LAMB4: variants seen among roughly 807,000 people sequenced by gnomAD.
The protein encoded by LAMB4 is laminin subunit beta-4.
Under a neutral mutation model 199.2 loss-of-function variants are expected in LAMB4, and 196 were observed. The observed-to-expected ratio is 0.98, with a 90% CI of 0.88 to 1.11. The LOEUF (loss-of-function observed/expected upper bound fraction) is 1.11, where lower values mean the gene tolerates loss of function less well. Ranked by LOEUF, LAMB4 falls within the 50% of genes least tolerant of loss-of-function variation. The probability of loss-of-function intolerance (pLI) is 0.00; values close to 1 mark genes in which losing one functional copy is unlikely to be tolerated. For synonymous variants in LAMB4, 744 were observed against 770.6 expected (o/e 0.97, Z 0.57); for missense variants, 2,080 against 2,171.2 (o/e 0.96, Z 0.83).
intron 1 of LAMB4, among the ~76,000 whole-genome samples, chr7:108,127,331 C>T (rs1399798228): frequency 6.6e-6 from 1 of 152,050 alleles, no homozygotes; most frequent in Non-Finnish European, 1.5e-5. Flanking sequence ...AGACCCACTG[C>T]ATAACCATGG....
At position 108,123,215 on chromosome 7, in the gene LAMB4, TA is replaced by T; in HGVS notation, c.-33-19del. Reference sequence around the variant, plus strand: ...CAATTCTACTGGGTTAAAAAAAGGTTAAAGTCAATCACTGATAGAAGAAATA... The same window carrying T: ...CAATTCTACTGGGTTAAAAAAAGGTTAAGTCAATCACTGATAGAAGAAATA... On this transcript the variant is annotated intron_variant, in intron 1 of 33. Coordinates refer to ENST00000388781, the MANE Select transcript of LAMB4 (RefSeq NM_007356.3). 1 of 1,472,544 alleles carries T rather than the reference TA, an allele frequency of 6.8e-7. No individual in the cohort carries two copies. 91.2% of individuals were successfully genotyped at this position (1,472,544 alleles called of 1,614,324 possible).
intron 26 of LAMB4, among the ~76,000 whole-genome samples, chr7:108,051,603 C>G (rs1414046013): frequency 6.6e-6 from 1 of 152,162 alleles, no homozygotes; most frequent in Admixed American, 6.5e-5. Flanking sequence ...GTTTTAAGAA[C>G]TATGCAATAT....
chr7:108,022,516 A>C (rs972626351), downstream of LAMB4, among the ~76,000 whole-genome samples: 2 of 152,236 alleles, frequency 1.3e-5, no homozygotes, highest in African/African-American at 2.4e-5. Context: ...CAACTGATAC[A>C]GCAAGTAATA....
At chr7:108,112,036 G>T in intron 3 of LAMB4, 90 bp from the exon 4 acceptor site, 3 of 1,009,030 alleles carry the variant, frequency 3.0e-6, no homozygotes, top group South Asian at 4.0e-5. Context: ...TACTATATTT[G>T]TCTTCCAAAC....
At chr7:108,099,484 T>C (rs2037743386) in intron 10 of LAMB4, among the ~76,000 whole-genome samples, 1 of 152,180 alleles carries the variant, frequency 6.6e-6, no homozygotes, top group Admixed American at 6.5e-5. Context: ...TGCCCAATAC[T>C]GCAGCGAACC....
At chr7:108,104,356 A>C in intron 9 of LAMB4, 143 bp downstream of exon 9, 1 of 833,678 alleles carries the variant, frequency 1.2e-6, no homozygotes, top group Admixed American at 3.0e-5. Flanking sequence ...ATAATTGGGA[A>C]CACTGGGATA....
rs1015057915 is a variant in LAMB4, at chr7:108,110,981, A to G, written c.328+830T>C. On this transcript the variant is annotated intron_variant, in intron 4 of 33. Transcript: ENST00000388781. ...TAATGGTCTAAAATCTCTAAAGGAA[A>G]TACATTCAGGAGTTTGTAGAGAATA... Among the ~76,000 whole-genome samples, 8 of 152,328 alleles carry G rather than the reference A, an allele frequency of 5.3e-5. No individual in the cohort carries two copies. The East Asian group carries it at 1.5e-3, about 29-fold the overall frequency.
intron 17 of LAMB4, among the ~76,000 whole-genome samples, chr7:108,072,216 A>G (rs1427238051): frequency 6.6e-6 from 1 of 152,162 alleles, no homozygotes; most frequent in Non-Finnish European, 1.5e-5. Flanking sequence ...GCCTAACTCT[A>G]TGTTTTTGAA....
At chr7:108,031,085 G>A (rs2035013350) in intron 31 of LAMB4, 106 bp from the exon 32 acceptor site, 2 of 741,786 alleles carry the variant, frequency 2.7e-6, no homozygotes, top group Non-Finnish European at 4.2e-6. Flanking sequence ...TAAAGGAAAA[G>A]AAAATAGTGC....
intron 30 of LAMB4, among the ~76,000 whole-genome samples, chr7:108,034,840 G>C (rs967730129): frequency 1.3e-5 from 2 of 152,092 alleles, no homozygotes; most frequent in African/African-American, 4.8e-5. Context: ...GAAGCCCAAG[G>C]TTAAAATCAC....
chr7:108,057,802 G>C, intron 24 of LAMB4, 30 bp downstream of exon 24: 1 of 1,401,500 alleles, frequency 7.1e-7, no homozygotes, highest in Non-Finnish European at 1.0e-6. Context: ...CTGACTGTAC[G>C]CATGAGTTTT....
intron 28 of LAMB4, among the ~76,000 whole-genome samples, chr7:108,044,626 G>A (rs911040038): frequency 6.6e-6 from 1 of 152,188 alleles, no homozygotes; most frequent in Admixed American, 6.5e-5. Flanking sequence ...TGTGACAGAA[G>A]TAGGGCTAGT....
chr7:108,070,171 T>C (rs1207975314), intron 17 of LAMB4, among the ~76,000 whole-genome samples: 4 of 152,254 alleles, frequency 2.6e-5, no homozygotes, highest in Middle Eastern at 3.4e-3. Flanking sequence ...AGTAATAACA[T>C]CAAGTTGGTC....
chr7:108,089,326 A>G (rs138742930), intron 14 of LAMB4, among the ~76,000 whole-genome samples: 1 of 152,268 alleles, frequency 6.6e-6, no homozygotes, highest in Non-Finnish European at 1.5e-5. Context: ...TTAGCAGGAC[A>G]CTATAATTTT....
intron 2 of LAMB4, among the ~76,000 whole-genome samples, chr7:108,120,607 C>T (rs1014039231): frequency 3.9e-5 from 6 of 152,180 alleles, no homozygotes; most frequent in Non-Finnish European, 2.9e-5. Flanking sequence ...AACCAGCAAC[C>T]CACATTCATA....
rs34425857 is a variant in LAMB4, at chr7:108,035,604, CAAAAA to C, written c.4680-1263_4680-1259del. ...TTATTATAGCAAATTTAGAGAGTAC[CAAAAA>C]AAAAAAAAAAAAAGAAAAAAAAACG... On this transcript the variant is annotated intron_variant, in intron 30 of 33. Coordinates refer to ENST00000388781, the MANE Select transcript of LAMB4 (RefSeq NM_007356.3). Among the ~76,000 whole-genome samples, 526 of 79,952 alleles carry C rather than the reference CAAAAA, an allele frequency of 6.6e-3. 1 individual carries two copies. Among genetic ancestry groups the C allele is most frequent in the African/African-American group, 0.023 (504 of 21,624 alleles). 52.5% of individuals were successfully genotyped at this position (79,952 alleles called of 152,430 possible). A position where few individuals can be genotyped will look rare whatever the true frequency, so the allele number is the denominator to read the frequency against.
chr7:108,024,467 G>C (rs1343126676), intron 33 of LAMB4, among the ~76,000 whole-genome samples: 1 of 152,210 alleles, frequency 6.6e-6, no homozygotes, highest in Non-Finnish European at 1.5e-5. Flanking sequence ...TAACATCCTT[G>C]ATGGGATTTG....
chr7:108,084,086 A>T (rs886179602), intron 14 of LAMB4, among the ~76,000 whole-genome samples: 3 of 152,236 alleles, frequency 2.0e-5, no homozygotes, highest in Non-Finnish European at 4.4e-5. Flanking sequence ...CATGCAATGC[A>T]GGGGCTCCAG....
intron 29 of LAMB4, 27 bp from the exon 30 acceptor site, chr7:108,037,622 A>G: frequency 6.5e-7 from 1 of 1,542,076 alleles, no homozygotes; most frequent in Non-Finnish European, 9.0e-7. Context: ...GGTTTTAGGT[A>G]ATCATGTCTC....
Sources: gnomAD v4.1 joint callset for allele counts (sites outside exome capture counted in the v4.1 genomes callset) on GRCh38, gnomAD v4.1.1 for gene constraint, MANE v1.5 for transcripts, NCBI Gene and HGNC (gene_info 2026-07-23, HGNC 2026-07-21) for gene names.